SYN2: variants seen among roughly 807,000 people sequenced by gnomAD.
The protein encoded by SYN2 is synapsin-2.
SYN2 carries 19 observed loss-of-function variants against 50.9 expected under a neutral mutation model. That is an observed-to-expected ratio of 0.37 (90% confidence interval 0.26 to 0.55). The LOEUF is 0.55. Among genes scored for constraint, SYN2 ranks in the 20% least tolerant of loss-of-function variants. SYN2 has a pLI of 0.81. For synonymous variants in SYN2, 255 were observed against 224.9 expected (o/e 1.13, Z -1.20); for missense variants, 587 against 576.4 (o/e 1.02, Z -0.19).
chr3:12,088,407 A>G (rs1049071070), intron 1 of SYN2, among the ~76,000 whole-genome samples: 1 of 152,196 alleles, frequency 6.6e-6, no homozygotes, highest in Admixed American at 6.5e-5. Flanking sequence ...AAGACAAAAG[A>G]TAAGTATTGG....
intron 1 of SYN2, among the ~76,000 whole-genome samples, chr3:12,053,372 G>C (rs1302273067): frequency 6.6e-6 from 1 of 151,538 alleles, no homozygotes; most frequent in Non-Finnish European, 1.5e-5. Flanking sequence ...AGTGAGCCGA[G>C]ATCACACCAC....
intron 12 of SYN2, among the ~76,000 whole-genome samples, chr3:12,189,544 C>G (rs192655283): frequency 2.0e-4 from 31 of 152,210 alleles, no homozygotes; most frequent in African/African-American, 7.0e-4. Context: ...TGCGGTGGCT[C>G]ACGCCTCTAA....
chr3:12,085,309 CAAG>C (rs1695672287), intron 1 of SYN2, among the ~76,000 whole-genome samples: 1 of 151,330 alleles, frequency 6.6e-6, no homozygotes, highest in Non-Finnish European at 1.5e-5. Context: ...GTCAACTCAT[CAAG>C]AAGACATAAT....
At chr3:12,052,496 A>G (rs1385926877) in intron 1 of SYN2, among the ~76,000 whole-genome samples, 1 of 152,216 alleles carries the variant, frequency 6.6e-6, no homozygotes, top group Non-Finnish European at 1.5e-5. Flanking sequence ...TGACTGTTAG[A>G]ATTGGGCAAG....
Position 12,004,458 on chromosome 3 carries a change from C to T in SYN2, c.-94C>T, listed in dbSNP as rs892035687. 1 of 330,706 alleles carries T rather than the reference C, an allele frequency of 3.0e-6. No individual in the cohort carries two copies. 20.5% of individuals were successfully genotyped at this position (330,706 alleles called of 1,614,324 possible). A position where few individuals can be genotyped will look rare whatever the true frequency, so the allele number is the denominator to read the frequency against. ...TCTGCTGGCTAAGCCGCCGCCTCAGCCGCCTCAGTCGCCTCAATCTCGCCT... is the reference window on the plus strand; with the variant it reads ...TCTGCTGGCTAAGCCGCCGCCTCAGTCGCCTCAGTCGCCTCAATCTCGCCT... On this transcript the variant is annotated 5_prime_UTR_variant, in exon 1 of 13. Transcript: ENST00000621198.
In SYN2 at chr3:12,162,090, C is replaced by G. The variant is rs1356898788; in HGVS notation, c.916C>G (p.Pro306Ala). ...CACCCAGACCTATGCCACTGCAGAG[C>G]CTTTCATTGACTCCAAGTATGACAT... The part of the protein sequence containing the change: ...ALTQTYATAE[P>A]FIDSKYDIRV... The change falls in exon 7 of 13, where the codon CCT (proline) becomes GCT (alanine). Residue 306 changes from proline to alanine, a missense_variant. Transcript: ENST00000621198. 3 of 1,614,030 alleles carry G rather than the reference C, an allele frequency of 1.9e-6. No homozygotes were observed. Among genetic ancestry groups the G allele is most frequent in the African/African-American group, 1.3e-5 (1 of 74,928 alleles).
In SYN2 at chr3:12,045,391, A is replaced by G. The variant is rs957392601; in HGVS notation, c.377+40463A>G. Among the ~76,000 whole-genome samples, 7 of 152,236 alleles carry G rather than the reference A, an allele frequency of 4.6e-5. 1 individual carries two copies. The highest frequency in any genetic ancestry group is 1.0e-4 in the Non-Finnish European group (7 of 68,036). ...TTGTTTGTAAAATGTAGAAAGAGTT[A>G]AAATGAGATGGTAAGAATGAATGAG... On this transcript the variant is annotated intron_variant, in intron 1 of 12. Transcript: ENST00000621198.
chr3:12,040,537 A>G (rs1694590000), intron 1 of SYN2, among the ~76,000 whole-genome samples: 1 of 144,988 alleles, frequency 6.9e-6, no homozygotes, highest in Non-Finnish European at 1.5e-5. Flanking sequence ...GGTTCAAGCC[A>G]TTCTCCTGCC....
At chr3:12,044,939 C>G (rs952351434) in intron 1 of SYN2, among the ~76,000 whole-genome samples, 2 of 152,134 alleles carry the variant, frequency 1.3e-5, no homozygotes. Context: ...GTACACTTAT[C>G]TCTATTTTAT....
intron 1 of SYN2, among the ~76,000 whole-genome samples, chr3:12,011,206 T>C (rs937348003): frequency 2.0e-5 from 3 of 152,248 alleles, no homozygotes; most frequent in South Asian, 2.1e-4. Flanking sequence ...GCACTCACTA[T>C]TTAAATGAAT....
chr3:12,047,999 C>T (rs368122427), intron 1 of SYN2, among the ~76,000 whole-genome samples: 24 of 152,282 alleles, frequency 1.6e-4, no homozygotes, highest in African/African-American at 3.9e-4. Flanking sequence ...AAGTTACGTA[C>T]GTTGTGTATT....
chr3:12,095,212 G>A (rs955304185), intron 1 of SYN2, among the ~76,000 whole-genome samples: 3 of 151,582 alleles, frequency 2.0e-5, no homozygotes, highest in South Asian at 4.2e-4. Context: ...TCTGGCTTCC[G>A]TACCATTCCC....
At chr3:12,147,852 G>A (rs920269594) in intron 4 of SYN2, among the ~76,000 whole-genome samples, 12 of 152,110 alleles carry the variant, frequency 7.9e-5, no homozygotes, top group African/African-American at 2.4e-4. Flanking sequence ...GGTGGCTCAC[G>A]CCTGTAATCC....
Position 12,004,633 on chromosome 3 carries a change from C to A in SYN2, c.82C>A (p.Arg28=). ...LPNGYMTDLQ[R]PEPQQPPPPP... is the part of the protein sequence containing the mutation. ...CAACGGCTACATGACCGACCTGCAG[C>A]GGCCCGAGCCCCAGCAGCCGCCGCC... is the stretch of plus-strand genomic sequence containing the variant. Residue 28 remains arginine, a synonymous_variant, in exon 1 of 13, where the codon CGG becomes AGG. Coordinates refer to ENST00000621198, the MANE Select transcript of SYN2 (RefSeq NM_133625.6). 4.3e-6 allele frequency: 2 copies of A among 468,976 alleles called. No individual in the cohort carries two copies. Among genetic ancestry groups the A allele is most frequent in the Non-Finnish European group, 7.9e-6 (2 of 254,288 alleles). The allele number at this position is 468,976 out of a possible 1,614,324, so 29.1% of individuals were successfully genotyped here.
intron 7 of SYN2, 118 bp from the exon 8 acceptor site, chr3:12,167,116 A>G: frequency 2.0e-6 from 2 of 1,002,552 alleles, no homozygotes; most frequent in Non-Finnish European, 3.0e-6. Flanking sequence ...CCCCTGGGCT[A>G]CTTGTGGGAG....
chr3:12,138,703 C>T (rs746981560), intron 1 of SYN2, among the ~76,000 whole-genome samples: 25 of 152,186 alleles, frequency 1.6e-4, no homozygotes, highest in African/African-American at 5.6e-4. Flanking sequence ...AGGCATCATA[C>T]GAAATGCGAG....
chr3:12,053,099 A>C (rs1694903866), intron 1 of SYN2, among the ~76,000 whole-genome samples: 1 of 152,198 alleles, frequency 6.6e-6, no homozygotes, highest in Non-Finnish European at 1.5e-5. Flanking sequence ...AAGATCATAC[A>C]TTGAATTACT....
intron 1 of SYN2, among the ~76,000 whole-genome samples, chr3:12,014,389 A>G (rs1285889602): frequency 6.6e-6 from 1 of 152,240 alleles, no homozygotes; most frequent in Non-Finnish European, 1.5e-5. Flanking sequence ...GTCTTCAAAT[A>G]TAAGCTTTAG....
intron 1 of SYN2, among the ~76,000 whole-genome samples, chr3:12,027,784 C>T (rs892479286): frequency 8.6e-5 from 13 of 152,016 alleles, no homozygotes; most frequent in African/African-American, 3.1e-4. Flanking sequence ...CAATTCATGC[C>T]TCTGAGAGCA....
Sources: gnomAD v4.1 joint callset for allele counts (sites outside exome capture counted in the v4.1 genomes callset) on GRCh38, gnomAD v4.1.1 for gene constraint, MANE v1.5 for transcripts, NCBI Gene and HGNC (gene_info 2026-07-23, HGNC 2026-07-21) for gene names.